The following SPECC1L variants were observed in gnomAD, a reference collection of about 807,000 sequenced individuals.
SPECC1L encodes cytospin-A.
SPECC1L carries 40 observed loss-of-function variants against 116.8 expected under a neutral mutation model. The ratio of observed to expected loss-of-function variants is 0.34; its 90% CI spans 0.27 to 0.45. The LOEUF is 0.45. Ranked by LOEUF, SPECC1L falls within the 20% of genes least tolerant of loss-of-function variation. The probability of loss-of-function intolerance (pLI) is 1.00; values close to 1 mark genes in which losing one functional copy is unlikely to be tolerated. For missense variants in SPECC1L, 1,110 were observed against 1,373.6 expected (o/e 0.81, Z 3.03); for synonymous variants, 504 against 500.6 (o/e 1.01, Z -0.09).
chr22:24,311,112 T>A (rs1292038721), intron 3 of SPECC1L, among the ~76,000 whole-genome samples: 1 of 152,226 alleles, frequency 6.6e-6, no homozygotes, highest in African/African-American at 2.4e-5. Flanking sequence ...TTTATTCTTG[T>A]TCCAGTGCTG....
chr22:24,334,317 A>G, intron 8 of SPECC1L, 93 bp from the exon 9 acceptor site: 1 of 1,381,272 alleles, frequency 7.2e-7, no homozygotes, highest in Non-Finnish European at 1.0e-6. Context: ...CGGCCATTAA[A>G]CTGATAGTTT....
At chr22:24,308,351 C>T (rs1398745117) in intron 3 of SPECC1L, among the ~76,000 whole-genome samples, 2 of 152,140 alleles carry the variant, frequency 1.3e-5, no homozygotes, top group Non-Finnish European at 2.9e-5. Context: ...TATTTAAATT[C>T]GGAATAGTTT....
intron 14 of SPECC1L, among the ~76,000 whole-genome samples, chr22:24,372,513 G>A (rs5760373): frequency 0.48 from 73,486 of 151,898 alleles, 18,067 homozygotes; most frequent in Admixed American, 0.58. Context: ...AACAGAACCA[G>A]TGACAAAAAC....
At chr22:24,316,930 C>T (rs1348153012) in intron 4 of SPECC1L, among the ~76,000 whole-genome samples, 2 of 114,962 alleles carry the variant, frequency 1.7e-5, no homozygotes. Flanking sequence ...ACCTCCCTCC[C>T]AGACGGGGCG....
Position 24,370,356 on chromosome 22 carries a change from AAG to A in SPECC1L, c.3087+1040_3087+1041del, listed in dbSNP as rs71727865. Among the ~76,000 whole-genome samples the A allele has an allele frequency of 7.7e-3, 1,177 of 152,360 alleles. 69 individuals are homozygous for A. The South Asian group carries it at 0.12, about 15-fold the overall frequency. On this transcript the variant is annotated intron_variant, in intron 14 of 16. Transcript: ENST00000314328. ...AGCTTCAAGCCAGTGGCAAGTAAAA[AAG>A]AGAAGAGAAAATAATTTAAAAAAAG...
intron 14 of SPECC1L, among the ~76,000 whole-genome samples, chr22:24,397,617 T>C (rs1272395517): frequency 6.6e-6 from 1 of 152,266 alleles, no homozygotes; most frequent in Non-Finnish European, 1.5e-5. Flanking sequence ...TAAATCTTTT[T>C]GCTTTGTATT....
chr22:24,317,254 G>A (rs1601543164), intron 4 of SPECC1L, among the ~76,000 whole-genome samples: 2 of 116,146 alleles, frequency 1.7e-5, no homozygotes, highest in Admixed American at 8.6e-5. Flanking sequence ...GGCTGGCCGG[G>A]CGGGGGGCTG....
intron 11 of SPECC1L, among the ~76,000 whole-genome samples, chr22:24,348,269 G>A (rs985641474): frequency 6.6e-6 from 1 of 152,172 alleles, no homozygotes; most frequent in Admixed American, 6.5e-5. Flanking sequence ...GGCTGTGTAT[G>A]TTAGACTAGA....
In SPECC1L at chr22:24,412,716, T is replaced by C; in HGVS notation, c.3264+9T>C. ...GCATCAAATCCACACTGGTGAGCCC[T>C]TGTCCCCCTGAGTCACTGGCAGGGC... On this transcript the variant is annotated intron_variant, in intron 16 of 16. Coordinates refer to ENST00000314328, the MANE Select transcript of SPECC1L (RefSeq NM_015330.6). The C allele has an allele frequency of 6.2e-6, 10 of 1,613,996 alleles. No individual in the cohort carries two copies. In the South Asian group the frequency reaches 6.6e-5, roughly 11 times the overall value.
chr22:24,396,985 G>A lies in SPECC1L; in HGVS notation c.3088-14603G>A, dbSNP rs993736649. Among the ~76,000 whole-genome samples, 15 of 152,332 alleles carry A rather than the reference G, an allele frequency of 9.8e-5. No individual in the cohort carries two copies. The South Asian group carries it at 2.5e-3, about 25-fold the overall frequency. On this transcript the variant is annotated intron_variant, in intron 14 of 16. Transcript: ENST00000314328. Reference sequence around the variant, plus strand: ...CTGGGGTCCTGGTGACGGTCCTGTCGTCACTTTCTTCCAGTGGTGGTATCT... The same window carrying A: ...CTGGGGTCCTGGTGACGGTCCTGTCATCACTTTCTTCCAGTGGTGGTATCT...
chr22:24,353,490 C>T (rs1160843418), intron 11 of SPECC1L, among the ~76,000 whole-genome samples: 1 of 151,952 alleles, frequency 6.6e-6, no homozygotes, highest in African/African-American at 2.4e-5. Context: ...CACTCTGCAA[C>T]CTCCGCCTCC....
intron 2 of SPECC1L, among the ~76,000 whole-genome samples, chr22:24,278,925 T>A (rs2048888474): frequency 6.6e-6 from 1 of 152,232 alleles, no homozygotes; most frequent in Non-Finnish European, 1.5e-5. Flanking sequence ...AATGTGTCAG[T>A]CCTTGGTAGC....
chr22:24,397,567 T>C (rs1009357912), intron 14 of SPECC1L, among the ~76,000 whole-genome samples: 1 of 152,164 alleles, frequency 6.6e-6, no homozygotes, highest in Admixed American at 6.5e-5. Context: ...TAATGATGCA[T>C]TCAGAAAGTG....
intron 6 of SPECC1L, among the ~76,000 whole-genome samples, chr22:24,328,111 G>GTA (rs1434817477): frequency 3.3e-5 from 5 of 152,186 alleles, no homozygotes; most frequent in Non-Finnish European, 7.4e-5. Context: ...GGATTTTAGA[G>GTA]TAGAACCTCC....
intron 16 of SPECC1L, among the ~76,000 whole-genome samples, chr22:24,413,087 C>T (rs1226359773): frequency 6.6e-6 from 1 of 152,144 alleles, no homozygotes; most frequent in Non-Finnish European, 1.5e-5. Flanking sequence ...AACACCACAC[C>T]AGCAGGTCCA....
intron 11 of SPECC1L, among the ~76,000 whole-genome samples, chr22:24,350,943 G>A (rs2041408812): frequency 4.6e-5 from 7 of 152,242 alleles, no homozygotes; most frequent in Admixed American, 3.3e-4. Flanking sequence ...AGGGCACTGA[G>A]GTGATCCTGG....
rs2042788335 is a variant in SPECC1L at position 24,415,656 on chromosome 22, G to GA, written c.*1036dup. On this transcript the variant is annotated 3_prime_UTR_variant, in exon 17 of 17. Transcript: ENST00000314328. ...ATAATTCTCCTAGGCCAGAGTTAAAGAAAGTGCCTTAACTCTTCTTGTGAG... is the reference window on the plus strand; with the variant it reads ...ATAATTCTCCTAGGCCAGAGTTAAAGAAAAGTGCCTTAACTCTTCTTGTGAG... 6.6e-6 allele frequency: 1 copy of GA among 152,494 alleles called. No homozygotes were observed. The highest frequency in any genetic ancestry group is 6.5e-5 in the Admixed American group (1 of 15,286). The allele number at this position is 152,494 out of a possible 1,614,324, so 9.4% of individuals were successfully genotyped here.
chr22:24,360,180 C>A (rs916170817), intron 11 of SPECC1L, among the ~76,000 whole-genome samples: 1 of 152,198 alleles, frequency 6.6e-6, no homozygotes, highest in Non-Finnish European at 1.5e-5. Context: ...AATTGTAATA[C>A]ACTAATCTTA....
intron 13 of SPECC1L, among the ~76,000 whole-genome samples, chr22:24,367,755 T>C (rs532025663): frequency 6.6e-6 from 1 of 152,332 alleles, no homozygotes; most frequent in East Asian, 1.9e-4. Context: ...TAGCGCACTT[T>C]GGAGGGTCAA....
Sources: gnomAD v4.1 joint callset for allele counts (sites outside exome capture counted in the v4.1 genomes callset) on GRCh38, gnomAD v4.1.1 for gene constraint, MANE v1.5 for transcripts, NCBI Gene and HGNC (gene_info 2026-07-23, HGNC 2026-07-21) for gene names.